ACYP2: variants seen among roughly 807,000 people sequenced by gnomAD.
ACYP2 encodes the protein acylphosphatase-2.
Under a neutral mutation model 11.2 loss-of-function variants are expected in ACYP2, and 12 were observed. The observed-to-expected ratio is 1.08, with a 90% CI of 0.69 to 1.74. The LOEUF is 1.74. Among genes scored for constraint, ACYP2 ranks in the 40% most tolerant of loss-of-function variants. The pLI is 0.00. For missense variants in ACYP2, 134 were observed against 101.9 expected (o/e 1.31, Z -1.35); for synonymous variants, 43 against 32.2 (o/e 1.33, Z -1.13).
At position 54,120,351 on chromosome 2, in the gene ACYP2, T is replaced by A. The variant is rs181729167; in HGVS notation, c.278-15102T>A. Among the ~76,000 whole-genome samples the A allele has an allele frequency of 9.8e-5, 15 of 152,344 alleles. No homozygotes were observed. The East Asian group carries it at 2.7e-3, about 27-fold the overall frequency. On this transcript the variant is annotated intron_variant, in intron 4 of 6. Coordinates refer to ENST00000607452, the MANE Select transcript of ACYP2 (RefSeq NM_001320586.2). ...GCCTGGTTTATAATGTTTCTATAGATGTTTAATTATATTTACATCTAGAAT... is the reference window on the plus strand; with the variant it reads ...GCCTGGTTTATAATGTTTCTATAGAAGTTTAATTATATTTACATCTAGAAT...
chr2:54,075,854 C>T (rs1389670916), intron 4 of ACYP2, among the ~76,000 whole-genome samples: 2 of 151,960 alleles, frequency 1.3e-5, no homozygotes, highest in Admixed American at 1.3e-4. Context: ...TAATATTTAC[C>T]TCTAGAAGTT....
chr2:54,232,450 G>A (rs1350085725), intron 6 of ACYP2, among the ~76,000 whole-genome samples: 1 of 151,872 alleles, frequency 6.6e-6, no homozygotes, highest in Non-Finnish European at 1.5e-5. Flanking sequence ...CAAGAGGAAT[G>A]GTGTTACATT....
At chr2:54,115,843 G>T in intron 4 of ACYP2, 87 bp downstream of exon 1, 1 of 1,385,484 alleles carries the variant, frequency 7.2e-7, no homozygotes, top group South Asian at 1.5e-5. Flanking sequence ...CCTAAAGTAT[G>T]CCTTTTCCCG....
chr2:53,997,471 A>T (rs995659862), intron 2 of ACYP2, among the ~76,000 whole-genome samples: 2 of 151,910 alleles, frequency 1.3e-5, no homozygotes, highest in Non-Finnish European at 2.9e-5. Context: ...AAGCCCGGCT[A>T]ATTTTTGTAT....
chr2:54,112,594 A>G (rs1679516843), intron 4 of ACYP2, among the ~76,000 whole-genome samples: 1 of 152,222 alleles, frequency 6.6e-6, no homozygotes, highest in Admixed American at 6.5e-5. Context: ...ATGTAACAAC[A>G]GGGACTCACA....
At chr2:54,071,684 A>G (rs908402519) in intron 4 of ACYP2, among the ~76,000 whole-genome samples, 1 of 152,086 alleles carries the variant, frequency 6.6e-6, no homozygotes, top group African/African-American at 2.4e-5. Flanking sequence ...TCTAAGATCA[A>G]TTGTATTTCT....
chr2:54,175,570 C>T (rs1683423956), intron 6 of ACYP2, among the ~76,000 whole-genome samples: 1 of 152,014 alleles, frequency 6.6e-6, no homozygotes, highest in Non-Finnish European at 1.5e-5. Context: ...TTGCCTTCTC[C>T]TAGTTTTTGA....
At chr2:54,162,845 G>A (rs1451058115) in intron 6 of ACYP2, among the ~76,000 whole-genome samples, 4 of 152,058 alleles carry the variant, frequency 2.6e-5, no homozygotes, top group East Asian at 3.9e-4. Context: ...AAAGTTAGCC[G>A]GGCGTTGTGA....
intron 6 of ACYP2, among the ~76,000 whole-genome samples, chr2:54,246,559 T>C (rs1276011363): frequency 6.6e-6 from 1 of 152,186 alleles, no homozygotes; most frequent in African/African-American, 2.4e-5. Context: ...AATCTATTGA[T>C]ATAATAATTC....
chr2:53,994,146 C>T (rs984985267), intron 2 of ACYP2, among the ~76,000 whole-genome samples: 6 of 151,922 alleles, frequency 3.9e-5, no homozygotes, highest in South Asian at 2.1e-4. Context: ...CTGGCTAACA[C>T]GGTGAAAACC....
intron 6 of ACYP2, among the ~76,000 whole-genome samples, chr2:54,261,384 G>C (rs1687769580): frequency 6.6e-6 from 1 of 152,112 alleles, no homozygotes; most frequent in African/African-American, 2.4e-5. Flanking sequence ...AAGATGTGGA[G>C]AAAGAGGGAG....
chr2:54,013,713 T>G (rs1359729855), intron 2 of ACYP2, among the ~76,000 whole-genome samples: 2 of 134,206 alleles, frequency 1.5e-5, no homozygotes, highest in African/African-American at 3.0e-5. Flanking sequence ...AGAGAAGCAC[T>G]ACAAGAGAGA....
At chr2:54,289,939 C>A (rs1573058430) in intron 6 of ACYP2, among the ~76,000 whole-genome samples, 1 of 152,014 alleles carries the variant, frequency 6.6e-6, no homozygotes, top group Non-Finnish European at 1.5e-5. Flanking sequence ...TAATACACAG[C>A]CAAACAGTCG....
At chr2:54,109,496 G>C (rs904799666) in intron 4 of ACYP2, among the ~76,000 whole-genome samples, 1 of 152,022 alleles carries the variant, frequency 6.6e-6, no homozygotes, top group Non-Finnish European at 1.5e-5. Context: ...CAAAATCTCA[G>C]AAATCACCAC....
chr2:54,235,571 C>T (rs187703040), intron 6 of ACYP2, among the ~76,000 whole-genome samples: 61 of 152,226 alleles, frequency 4.0e-4, no homozygotes, highest in Middle Eastern at 3.4e-3. Context: ...AGGATGGTCT[C>T]GATCTCCTAA....
chr2:54,199,026 C>A (rs1040799519), intron 6 of ACYP2, among the ~76,000 whole-genome samples: 4 of 152,184 alleles, frequency 2.6e-5, no homozygotes, highest in African/African-American at 9.7e-5. Context: ...TAGGTTAACA[C>A]AGGGAAGTAA....
At chr2:54,038,583 T>C (rs1043263100) in intron 2 of ACYP2, among the ~76,000 whole-genome samples, 4 of 149,106 alleles carry the variant, frequency 2.7e-5, no homozygotes, top group African/African-American at 9.9e-5. Context: ...GAGTGTTCAG[T>C]AACTTTATTC....
At chr2:54,208,296 C>G (rs551147093) in intron 6 of ACYP2, among the ~76,000 whole-genome samples, 3 of 152,132 alleles carry the variant, frequency 2.0e-5, no homozygotes, top group African/African-American at 4.8e-5. Context: ...TCAGTTTGAT[C>G]CTGATGTGAA....
intron 4 of ACYP2, among the ~76,000 whole-genome samples, chr2:54,130,510 G>T (rs1046697650): frequency 1.3e-5 from 2 of 152,176 alleles, no homozygotes; most frequent in African/African-American, 4.8e-5. Context: ...TTAAGAAAAG[G>T]AAACCATGTT....
Sources: gnomAD v4.1 joint callset for allele counts (sites outside exome capture counted in the v4.1 genomes callset) on GRCh38, gnomAD v4.1.1 for gene constraint, MANE v1.5 for transcripts, NCBI Gene and HGNC (gene_info 2026-07-23, HGNC 2026-07-21) for gene names.